The following INO80 variants were observed in gnomAD, a reference collection of about 807,000 sequenced individuals.
The protein encoded by INO80 is INO80 complex ATPase subunit.
In INO80, 20 loss-of-function variants were observed where a neutral mutation model predicts 203.4. The ratio of observed to expected loss-of-function variants is 0.10; its 90% CI spans 0.07 to 0.14. INO80 has a LOEUF of 0.14. INO80 is among the 10% of genes least tolerant of loss of function. The pLI is 1.00. For synonymous variants in INO80, 726 were observed against 685.2 expected (o/e 1.06, Z -0.93); for missense variants, 1,419 against 1,914.4 (o/e 0.74, Z 4.83).
chr15:41,093,388 G>A (rs1442796493), intron 4 of INO80, among the ~76,000 whole-genome samples: 3 of 152,056 alleles, frequency 2.0e-5, no homozygotes, highest in East Asian at 1.9e-4. Context: ...TCACGCCACT[G>A]CACTACAGCC....
At chr15:41,059,007 A>C (rs376271510) in intron 15 of INO80, among the ~76,000 whole-genome samples, 5 of 152,160 alleles carry the variant, frequency 3.3e-5, no homozygotes, top group African/African-American at 1.2e-4. Flanking sequence ...ACTAGAGTCC[A>C]GCAGCGTGAA....
chr15:41,100,431 A>G (rs1251023632), intron 1 of INO80, among the ~76,000 whole-genome samples: 2 of 152,212 alleles, frequency 1.3e-5, no homozygotes, highest in Non-Finnish European at 2.9e-5. Flanking sequence ...ATGAAATCAA[A>G]AACAATTTGT....
Position 41,047,497 on chromosome 15 carries a change from A to C in INO80, c.2646T>G (p.Ile882Met), listed in dbSNP as rs2044789429. 6.3e-7 allele frequency: 1 copy of C among 1,596,876 alleles called. No homozygotes were observed. The highest frequency in any genetic ancestry group is 1.3e-5 in the African/African-American group (1 of 74,428). ...GGAAAGAGAAACAGCTTTCTTCATT[A>C]ATACCTGAAATATAAAAGACAATTT... is the stretch of plus-strand genomic sequence containing the variant. ...IQRSLFHRKGINEESCFSFLR... is the reference protein window; with the variant it reads ...IQRSLFHRKGMNEESCFSFLR... The change falls in exon 23 of 36, where the codon ATT (isoleucine) becomes ATG (methionine). Residue 882 changes from isoleucine to methionine, a missense_variant. This residue lies in a region of INO80 where 302 missense variants were observed against 345.4 expected (regional missense o/e 0.87). Coordinates refer to ENST00000648947, the MANE Select transcript of INO80 (RefSeq NM_017553.3).
At chr15:41,087,474 TATATATA>T in intron 6 of INO80, 81 bp downstream of exon 6, 1 of 1,378,456 alleles carries the variant, frequency 7.3e-7, no homozygotes, top group Non-Finnish European at 1.0e-6. Flanking sequence ...CATATGGACT[TATATATA>T]AAGTCCAAAT....
chr15:40,990,252 G>A (rs1271579734), intron 29 of INO80, among the ~76,000 whole-genome samples: 2 of 152,166 alleles, frequency 1.3e-5, no homozygotes, highest in Non-Finnish European at 2.9e-5. Context: ...ACTTGGCATT[G>A]CCTACCTACC....
chr15:41,034,568 C>T (rs2044541451), intron 24 of INO80, among the ~76,000 whole-genome samples: 1 of 152,048 alleles, frequency 6.6e-6, no homozygotes, highest in Admixed American at 6.5e-5. Context: ...CAAATGAAGG[C>T]GTAGAAGGAA....
chr15:41,090,421 C>T (rs2045618325), intron 5 of INO80, among the ~76,000 whole-genome samples: 1 of 149,252 alleles, frequency 6.7e-6, no homozygotes, highest in Non-Finnish European at 1.5e-5. Context: ...ACTAAAAACG[C>T]AAAAAAAAAG....
At chr15:41,097,347 T>C (rs896832045) in intron 1 of INO80, among the ~76,000 whole-genome samples, 1 of 151,428 alleles carries the variant, frequency 6.6e-6, no homozygotes, top group African/African-American at 2.4e-5. Context: ...CGCCCAGCCT[T>C]CTCCCACCAC....
intron 24 of INO80, among the ~76,000 whole-genome samples, chr15:41,032,289 T>C (rs1049069074): frequency 5.9e-5 from 9 of 152,206 alleles, no homozygotes; most frequent in Non-Finnish European, 1.3e-4. Context: ...CAAATTTAGA[T>C]ACAGAGGAAA....
intron 24 of INO80, among the ~76,000 whole-genome samples, chr15:41,031,406 G>C (rs1441512885): frequency 1.4e-5 from 2 of 144,668 alleles, no homozygotes; most frequent in Admixed American, 7.1e-5. Context: ...AAGAAGAAAA[G>C]TGAAAGAGAA....
intron 24 of INO80, among the ~76,000 whole-genome samples, chr15:41,033,670 A>G (rs182106367): frequency 1.3e-3 from 194 of 152,306 alleles, no homozygotes; most frequent in African/African-American, 4.5e-3. Flanking sequence ...TAAGTAGAAT[A>G]CAGGGAGCCA....
intron 27 of INO80, among the ~76,000 whole-genome samples, chr15:41,015,285 C>A (rs533109552): frequency 2.0e-5 from 3 of 152,244 alleles, no homozygotes; most frequent in African/African-American, 7.2e-5. Context: ...GATGCCCAGG[C>A]CTCATTTCAA....
chr15:40,987,952 C>G lies in INO80; in HGVS notation c.3593G>C (p.Trp1198Ser). 6.2e-7 allele frequency: 1 copy of G among 1,613,664 alleles called. No individual in the cohort carries two copies. Among genetic ancestry groups the G allele is most frequent in the South Asian group, 1.1e-5 (1 of 90,952 alleles). ...GGCCTGCTGGTCCACAGTGGGGTTC[C>G]AGTCGCTATCATAGAAAATCACCTG... ...ADTVIFYDSDWNPTVDQQAMD... is the reference protein window; with the variant it reads ...ADTVIFYDSDSNPTVDQQAMD... The change falls in exon 30 of 36, where the codon TGG becomes TCG. Residue 1198 changes from tryptophan (W) to serine (S), a missense_variant. Physicochemically the swap from Trp to Ser is radical, Grantham distance 177 (BLOSUM62 -3). Coordinates refer to ENST00000648947, the MANE Select transcript of INO80 (RefSeq NM_017553.3).
chr15:41,106,318 A>G (rs1232321153), intron 1 of INO80, among the ~76,000 whole-genome samples: 1 of 142,174 alleles, frequency 7.0e-6, no homozygotes, highest in Admixed American at 7.8e-5. Flanking sequence ...CAAGAGACAG[A>G]GGTTGCTGCG....
At chr15:41,070,803 T>A (rs879553640) in intron 12 of INO80, among the ~76,000 whole-genome samples, 9 of 152,200 alleles carry the variant, frequency 5.9e-5, no homozygotes, top group Non-Finnish European at 1.2e-4. Context: ...GCAATTAGAT[T>A]TACCAAGTCC....
chr15:41,087,182 T>C (rs1477118424), intron 6 of INO80, among the ~76,000 whole-genome samples: 2 of 152,112 alleles, frequency 1.3e-5, no homozygotes, highest in Non-Finnish European at 2.9e-5. Flanking sequence ...TGTACAAACT[T>C]TTTTTGGTCA....
At chr15:41,025,389 G>A (rs1436006220) in intron 25 of INO80, among the ~76,000 whole-genome samples, 2 of 152,110 alleles carry the variant, frequency 1.3e-5, no homozygotes, top group Non-Finnish European at 2.9e-5. Context: ...ACAATTACAG[G>A]CCAAGAGAGC....
At chr15:41,040,536 G>T (rs1161364088) in intron 24 of INO80, among the ~76,000 whole-genome samples, 2 of 152,190 alleles carry the variant, frequency 1.3e-5, no homozygotes, top group Non-Finnish European at 1.5e-5. Context: ...TGGAGGCAAA[G>T]AATTCTTCAA....
At chr15:41,076,761 C>G (rs1258419990) in intron 9 of INO80, among the ~76,000 whole-genome samples, 1 of 151,730 alleles carries the variant, frequency 6.6e-6, no homozygotes, top group African/African-American at 2.4e-5. Flanking sequence ...TGCCTCTACT[C>G]TAAAATAACC....
Sources: allele counts gnomAD v4.1 joint callset (sites outside exome capture counted in the v4.1 genomes callset), GRCh38; gene constraint gnomAD v4.1.1; regional missense constraint gnomAD v4.1.1; transcripts MANE v1.5; gene names NCBI Gene and HGNC (gene_info 2026-07-23, HGNC 2026-07-21).